GSE1: variants seen among roughly 807,000 people sequenced by gnomAD.
GSE1 encodes genetic suppressor element 1.
Under a neutral mutation model 112.6 loss-of-function variants are expected in GSE1, and 32 were observed. That is an observed-to-expected ratio of 0.28 (90% CI 0.21 to 0.38). GSE1 has a LOEUF of 0.38. Among genes scored for constraint, GSE1 ranks in the 10% least tolerant of loss-of-function variants. GSE1 has a pLI of 1.00. For synonymous variants in GSE1, 1,115 were observed against 735.6 expected, an observed-to-expected ratio of 1.52 and a Z score of -8.35; for missense variants, 2,348 against 1,699.2, an observed-to-expected ratio of 1.38 and a Z score of -6.71.
intron 1 of GSE1, among the ~76,000 whole-genome samples, chr16:85,195,500 G>A (rs1446210711): frequency 6.6e-6 from 1 of 152,220 alleles, no homozygotes; most frequent in South Asian, 2.1e-4. Flanking sequence ...GCAGGGGATG[G>A]ACTTGGATGC....
At chr16:85,341,151 C>A (rs1384714772) in intron 1 of GSE1, among the ~76,000 whole-genome samples, 1 of 152,166 alleles carries the variant, frequency 6.6e-6, no homozygotes, top group Non-Finnish European at 1.5e-5. Flanking sequence ...TCACTGCATG[C>A]AAGAACATGC....
chr16:85,382,102 C>G (rs1236119630), intron 2 of GSE1, among the ~76,000 whole-genome samples: 2 of 152,238 alleles, frequency 1.3e-5, no homozygotes, highest in Non-Finnish European at 2.9e-5. Context: ...TGTGATCAAT[C>G]TTGCGGCCCT....
rs570087443 is a variant in GSE1, at chr16:85,675,955, T to TTA, written c.*3418_*3419dup. On this transcript the variant is annotated 3_prime_UTR_variant, in exon 16 of 16. Coordinates refer to ENST00000253458, the MANE Select transcript of GSE1 (RefSeq NM_014615.5). ...CTGAGGAAGACCATGCTAACTGGTGTTATTTTGTATGTACCCTGTGCTTAA... is the reference window on the plus strand; with the variant it reads ...CTGAGGAAGACCATGCTAACTGGTGTTATATTTTGTATGTACCCTGTGCTTAA... The TTA allele has an allele frequency of 2.8e-3, 422 of 152,732 alleles. 1 individual carries two copies. Among genetic ancestry groups the TTA allele is most frequent in the Non-Finnish European group, 4.1e-3 (276 of 68,028 alleles). The allele number at this position is 152,732 out of a possible 1,614,324, so 9.5% of individuals were successfully genotyped here.
chr16:85,504,288 G>A (rs373601173), intron 2 of GSE1, among the ~76,000 whole-genome samples: 4 of 152,218 alleles, frequency 2.6e-5, no homozygotes, highest in African/African-American at 9.6e-5. Context: ...AAAGCCTATT[G>A]TGAGCAGGTG....
chr16:85,455,615 C>T (rs1057310221), intron 2 of GSE1, among the ~76,000 whole-genome samples: 1 of 152,204 alleles, frequency 6.6e-6, no homozygotes, highest in African/African-American at 2.4e-5. Flanking sequence ...TGCAACTCAG[C>T]CCCGTTTGGA....
chr16:85,417,647 G>A (rs2048733089), intron 2 of GSE1, among the ~76,000 whole-genome samples: 1 of 152,250 alleles, frequency 6.6e-6, no homozygotes, highest in Admixed American at 6.5e-5. Context: ...CCCTGGGTAT[G>A]GAAGGCTGGG....
At chr16:85,358,371 C>T (rs531860621) in intron 2 of GSE1, among the ~76,000 whole-genome samples, 17 of 152,280 alleles carry the variant, frequency 1.1e-4, no homozygotes, top group African/African-American at 3.4e-4. Context: ...GAAGCCACCC[C>T]TTAGGCCATA....
intron 2 of GSE1, among the ~76,000 whole-genome samples, chr16:85,461,486 G>T (rs897218597): frequency 6.6e-6 from 1 of 152,160 alleles, no homozygotes; most frequent in African/African-American, 2.4e-5. Flanking sequence ...GATGTCATTG[G>T]TCTGGGGGCA....
At chr16:85,482,461 C>A (rs567904514) in intron 2 of GSE1, among the ~76,000 whole-genome samples, 1 of 152,004 alleles carries the variant, frequency 6.6e-6, no homozygotes, top group African/African-American at 2.4e-5. Flanking sequence ...GAGCGACCCG[C>A]GACCTGCAGC....
intron 1 of GSE1, among the ~76,000 whole-genome samples, chr16:85,617,474 C>T (rs1316176143): frequency 6.6e-6 from 1 of 152,020 alleles, no homozygotes; most frequent in African/African-American, 2.4e-5. Flanking sequence ...TCGGGGGTCT[C>T]TCCTGGCTGC....
intron 2 of GSE1, among the ~76,000 whole-genome samples, chr16:85,635,809 G>A (rs1036701141): frequency 6.6e-6 from 1 of 152,210 alleles, no homozygotes; most frequent in Non-Finnish European, 1.5e-5. Context: ...TCCACCCCTG[G>A]GTAACGCTGC....
Position 85,297,660 on chromosome 16 carries a change from T to C in GSE1, c.2284-59803T>C, listed in dbSNP as rs536205643. On this transcript the variant is annotated intron_variant, in intron 1 of 2. Coordinates refer to the GSE1 transcript ENST00000637419. Reference sequence around the variant, plus strand: ...GTTCACAGGCACATGCCACCCAAAGTGCCTGGCTAATTTTCCTTTTCTTTT... The same window carrying C: ...GTTCACAGGCACATGCCACCCAAAGCGCCTGGCTAATTTTCCTTTTCTTTT... 8.5e-5 allele frequency among the ~76,000 whole-genome samples: 13 copies of C among 152,266 alleles called. No individual in the cohort carries two copies. In the South Asian group the frequency reaches 2.7e-3, roughly 32 times the overall value.
chr16:85,628,520 G>T (rs937189613), intron 1 of GSE1, among the ~76,000 whole-genome samples: 1 of 152,158 alleles, frequency 6.6e-6, no homozygotes, highest in African/African-American at 2.4e-5. Context: ...ATTGGAGGGA[G>T]CAGGCAGAGG....
chr16:85,173,118 C>A (rs1032284454), intron 1 of GSE1, among the ~76,000 whole-genome samples: 1 of 152,218 alleles, frequency 6.6e-6, no homozygotes, highest in Non-Finnish European at 1.5e-5. Context: ...GTCAGAAGAG[C>A]TGCAGTTCCC....
intron 2 of GSE1, among the ~76,000 whole-genome samples, chr16:85,480,230 C>T (rs60184663): frequency 0.03 from 4,595 of 152,348 alleles, 225 homozygotes; most frequent in African/African-American, 0.1. Flanking sequence ...GAATCTACAG[C>T]GTGACCCTGA....
At chr16:85,218,521 A>T (rs774396356) in intron 1 of GSE1, among the ~76,000 whole-genome samples, 1 of 152,168 alleles carries the variant, frequency 6.6e-6, no homozygotes, top group Non-Finnish European at 1.5e-5. Context: ...GTAGTGGTAA[A>T]ACGCGGCCTT....
chr16:85,457,589 C>T lies in GSE1; in HGVS notation c.2464+99946C>T, dbSNP rs80251796. 8.5e-3 allele frequency among the ~76,000 whole-genome samples: 1,296 copies of T among 152,340 alleles called. 16 individuals are homozygous for T. The highest frequency in any genetic ancestry group is 0.03 in the African/African-American group (1,246 of 41,578). On this transcript the variant is annotated intron_variant, in intron 2 of 2. Coordinates refer to the GSE1 transcript ENST00000637419. ...GAGAGCAGGGCAAGGGCTGGACGGG[C>T]TCCTCCAGGGCCCCAGGCTACCTGC... is the stretch of plus-strand genomic sequence containing the variant.
chr16:85,251,974 T>C (rs548343770), intron 1 of GSE1, among the ~76,000 whole-genome samples: 1 of 152,230 alleles, frequency 6.6e-6, no homozygotes, highest in East Asian at 1.9e-4. Context: ...TGCTGTCAGC[T>C]CCATTTTAGA....
At position 85,632,846 on chromosome 16, in the gene GSE1, G is replaced by C. The variant is rs1191432016; in HGVS notation, c.8-1068G>C. 8.5e-5 allele frequency among the ~76,000 whole-genome samples: 13 copies of C among 152,350 alleles called. 1 individual carries two copies. The South Asian group carries it at 1.2e-3, about 15-fold the overall frequency. ...GTCTGTGGGTGATGTAGGGGTGGGG[G>C]CGTCTCTGCGGGGGAGGGATGTTGG... On this transcript the variant is annotated intron_variant, in intron 1 of 15. Coordinates refer to ENST00000253458, the MANE Select transcript of GSE1 (RefSeq NM_014615.5).
Sources: gnomAD v4.1 joint callset for allele counts (sites outside exome capture counted in the v4.1 genomes callset) on GRCh38, gnomAD v4.1.1 for gene constraint, MANE v1.5 for transcripts, NCBI Gene and HGNC (gene_info 2026-07-23, HGNC 2026-07-21) for gene names.